The following DOP1A variants were observed in gnomAD, a reference collection of about 807,000 sequenced individuals.
DOP1A encodes the protein protein DOP1A.
Under a neutral mutation model 267.6 loss-of-function variants are expected in DOP1A, and 90 were observed. That is an observed-to-expected ratio of 0.34 (90% CI 0.28 to 0.40). The LOEUF is 0.40. Ranked by LOEUF, DOP1A falls within the 10% of genes least tolerant of loss-of-function variation. The pLI, the probability that DOP1A is intolerant of heterozygous loss-of-function variation, is 1.00. For synonymous variants in DOP1A, 932 were observed against 999.1 expected (o/e 0.93, Z 1.27); for missense variants, 2,437 against 2,900.4 (o/e 0.84, Z 3.67).
intron 23 of DOP1A, 94 bp downstream of exon 23, chr6:83,140,497 T>A: frequency 9.9e-7 from 1 of 1,006,002 alleles, no homozygotes; most frequent in Non-Finnish European, 1.4e-6. Flanking sequence ...GTGTAGTATT[T>A]ACAGGACTCT....
intron 7 of DOP1A, among the ~76,000 whole-genome samples, chr6:83,114,137 TAACTG>T (rs572397307): frequency 1.1e-3 from 166 of 152,332 alleles, no homozygotes; most frequent in African/African-American, 3.8e-3. Flanking sequence ...GATTAATAGA[TAACTG>T]TAGTGAATTT....
Position 83,166,995 on chromosome 6 carries a change from C to A in DOP1A, c.7093-867C>A, listed in dbSNP as rs549011878. 274 of 985,840 alleles carry A rather than the reference C, an allele frequency of 2.8e-4. No individual in the cohort carries two copies. In the African/African-American group the frequency reaches 4.5e-3, roughly 16 times the overall value. 61.1% of individuals were successfully genotyped at this position (985,840 alleles called of 1,614,324 possible). A position where few individuals can be genotyped will look rare whatever the true frequency, so the allele number is the denominator to read the frequency against. On this transcript the variant is annotated intron_variant, in intron 38 of 38. Coordinates refer to ENST00000349129, the MANE Select transcript of DOP1A (RefSeq NM_015018.4). ...TGCCCAAGTTCAACCAACCTGTTCT[C>A]TCTTATCTTTCTCTAGACAGAATGA...
downstream of DOP1A, chr6:83,170,456 C>T: frequency 1.2e-6 from 2 of 1,613,988 alleles, no homozygotes; most frequent in Non-Finnish European, 8.5e-7. Context: ...ATCGGTAGTG[C>T]TAATAACTCT....
intron 24 of DOP1A, among the ~76,000 whole-genome samples, chr6:83,145,017 C>A (rs1420054078): frequency 6.9e-6 from 1 of 144,556 alleles, no homozygotes; most frequent in South Asian, 2.2e-4. Context: ...GCAAGAGGAT[C>A]GCTTAAACCT....
chr6:83,071,042 TC>T (rs1785501220), intron 1 of DOP1A, among the ~76,000 whole-genome samples: 1 of 152,202 alleles, frequency 6.6e-6, no homozygotes, highest in Admixed American at 6.5e-5. Flanking sequence ...AAAATCAAAG[TC>T]CCCTTAATTT....
intron 15 of DOP1A, among the ~76,000 whole-genome samples, chr6:83,126,015 A>G (rs72903883): frequency 0.032 from 4,850 of 152,006 alleles, 110 homozygotes; most frequent in Middle Eastern, 0.058. Context: ...ATTCTAGTTT[A>G]TTTGGACAAT....
In DOP1A at chr6:83,129,087, A is replaced by G. The variant is rs1777636191; in HGVS notation, c.1920A>G (p.Thr640=). 1.9e-6 allele frequency: 3 copies of G among 1,614,104 alleles called. No homozygotes were observed. Among genetic ancestry groups the G allele is most frequent in the Non-Finnish European group, 2.5e-6 (3 of 1,179,986 alleles). ...GTAGCACATCCTCTGAGACAGAAAC[A>G]GCATCCACTGTGGGATCTGAAGAAA... is the stretch of plus-strand genomic sequence containing the variant. ...PIGSTSSETE[T]ASTVGSEETI... The change falls in exon 16 of 39, where the codon ACA becomes ACG. Residue 640 remains threonine, a synonymous_variant. Coordinates refer to ENST00000349129, the MANE Select transcript of DOP1A (RefSeq NM_015018.4).
chr6:83,159,679 C>A, intron 36 of DOP1A, 117 bp from the exon 37 acceptor site: 1 of 1,130,780 alleles, frequency 8.8e-7, no homozygotes, highest in Non-Finnish European at 1.3e-6. Flanking sequence ...TTAGCAATTA[C>A]TGGCACATTT....
intron 38 of DOP1A, chr6:83,167,644 G>A (rs1583230184): frequency 7.9e-7 from 1 of 1,265,240 alleles, no homozygotes; most frequent in Non-Finnish European, 9.9e-7. Context: ...TTCTAGTTGG[G>A]AACTATTACT....
At chr6:83,115,086 T>C (rs1394150443) in intron 7 of DOP1A, among the ~76,000 whole-genome samples, 4 of 152,212 alleles carry the variant, frequency 2.6e-5, no homozygotes, top group Non-Finnish European at 5.9e-5. Flanking sequence ...AAAAGGATGA[T>C]AGTTGTTAGG....
At position 83,100,709 on chromosome 6, in the gene DOP1A, T is replaced by C; in HGVS notation, c.143T>C (p.Leu48Ser). The C allele has an allele frequency of 6.8e-7, 1 of 1,468,816 alleles. No individual in the cohort carries two copies. The highest frequency in any genetic ancestry group is 9.0e-7 in the Non-Finnish European group (1 of 1,105,330). 91.0% of individuals were successfully genotyped at this position (1,468,816 alleles called of 1,614,324 possible). Residue 48 changes from leucine (L) to serine (S), a missense_variant, in exon 4 of 39, where the codon TTA (leucine) becomes TCA (serine). Leu to Ser is a moderately radical substitution (Grantham distance 145). Around this residue, in one of 9 missense-constraint regions of DOP1A, gnomAD observed 251 missense variants for 359.1 expected, o/e 0.70. Transcript: ENST00000349129. ...CATTAAAATGCTTTCTTCAAGGTTT[T>C]ACAAAATAATGCAAAGTACCAAGTA... ...ISALGKLNKV[L>S]QNNAKYQVVP...
At chr6:83,086,646 G>C (rs1427346730) in intron 1 of DOP1A, among the ~76,000 whole-genome samples, 1 of 152,152 alleles carries the variant, frequency 6.6e-6, no homozygotes, top group African/African-American at 2.4e-5. Flanking sequence ...ACAAGGTATT[G>C]AATACTGCTG....
At chr6:83,148,716 C>G (rs776346616) in intron 26 of DOP1A, 43 bp from the exon 27 acceptor site, 1 of 1,296,316 alleles carries the variant, frequency 7.7e-7, no homozygotes, top group Admixed American at 2.7e-5. Context: ...AGTAGAAAAC[C>G]ATAGTTTATT....
chr6:83,155,826 TCAAGTTTTGTACCC>T (rs1782683465), intron 33 of DOP1A, 111 bp from the exon 34 acceptor site: 1 of 1,141,006 alleles, frequency 8.8e-7, no homozygotes, highest in South Asian at 1.7e-5. Context: ...GAGAGGGGCA[TCAAGTTTTGTACCC>T]CAAGCTCCTC....
At chr6:83,100,933 T>C (rs768308210) in intron 4 of DOP1A, 47 bp downstream of exon 4, 1 of 1,204,670 alleles carries the variant, frequency 8.3e-7, no homozygotes, top group Admixed American at 3.0e-5. Flanking sequence ...AAAGAAAATG[T>C]ATTGCTAAAC....
At chr6:83,139,291 A>AC in intron 21 of DOP1A, 129 bp downstream of exon 21, 2 of 681,914 alleles carry the variant, frequency 2.9e-6, no homozygotes, top group South Asian at 2.4e-5. Context: ...ATAGTGTATT[A>AC]CTTTCCACAA....
Position 83,108,896 on chromosome 6 carries a change from T to C in DOP1A, c.321-14T>C. 1 of 1,603,584 alleles carries C rather than the reference T, an allele frequency of 6.2e-7. No homozygotes were observed. The highest frequency in any genetic ancestry group is 8.5e-7 in the Non-Finnish European group (1 of 1,175,148). ...ATTTTGCTTCCTTCTCCTTTGTCTTTATTTTTTTAATAGTTCTGGATTATT... is the reference window on the plus strand; with the variant it reads ...ATTTTGCTTCCTTCTCCTTTGTCTTCATTTTTTTAATAGTTCTGGATTATT... On this transcript the variant is annotated splice_polypyrimidine_tract_variant and intron_variant, in intron 4 of 38. Coordinates refer to ENST00000349129, the MANE Select transcript of DOP1A (RefSeq NM_015018.4).
At position 83,153,740 on chromosome 6, in the gene DOP1A, T is replaced by A. The variant is rs1562373716; in HGVS notation, c.6239+120T>A. On this transcript the variant is annotated intron_variant, in intron 31 of 38. Coordinates refer to ENST00000349129, the MANE Select transcript of DOP1A (RefSeq NM_015018.4). ...ATGGCATTTTTACCTTGAATTATAA[T>A]TGTTTAAAAAAATTCATATATTATT... 2.6e-6 allele frequency: 3 copies of A among 1,169,832 alleles called. No individual in the cohort carries two copies. The East Asian group carries it at 8.1e-5, about 31-fold the overall frequency. 72.5% of individuals were successfully genotyped at this position (1,169,832 alleles called of 1,614,324 possible).
chr6:83,140,251 T>A lies in DOP1A; in HGVS notation c.5263T>A (p.Phe1755Ile), dbSNP rs1779400081. The change falls in exon 23 of 39, where the codon TTT becomes ATT. Residue 1755 changes from phenylalanine to isoleucine, a missense_variant. Coordinates refer to ENST00000349129, the MANE Select transcript of DOP1A (RefSeq NM_015018.4). ...GGTCAGTGTAGACCAGAAACACTTGTTTGAAGCACGCAGTGGAATCCTCTC... is the reference window on the plus strand; with the variant it reads ...GGTCAGTGTAGACCAGAAACACTTGATTGAAGCACGCAGTGGAATCCTCTC... Reference protein sequence around the residue: ...LLVSVDQKHLFEARSGILSIL... With the variant: ...LLVSVDQKHLIEARSGILSIL... 2.5e-6 allele frequency: 4 copies of A among 1,613,116 alleles called. No homozygotes were observed. The African/African-American group carries it at 5.3e-5, about 21-fold the overall frequency.
Sources: gnomAD v4.1 joint callset for allele counts (sites outside exome capture counted in the v4.1 genomes callset) on GRCh38, gnomAD v4.1.1 for gene constraint, gnomAD v4.1.1 regional missense constraint, MANE v1.5 for transcripts, NCBI Gene and HGNC (gene_info 2026-07-23, HGNC 2026-07-21) for gene names.